TTC3: variants seen among roughly 807,000 people sequenced by gnomAD.
TTC3 encodes the protein tetratricopeptide repeat domain 3, also known as E3 ubiquitin-protein ligase TTC3.
A neutral mutation model predicts 249.6 loss-of-function variants in TTC3; 180 were observed. The observed-to-expected ratio is 0.72, with a 90% CI of 0.64 to 0.82. TTC3 has a LOEUF of 0.82. Ranked by LOEUF, TTC3 falls within the 40% of genes least tolerant of loss-of-function variation. The pLI is 0.00. For synonymous variants in TTC3, 717 were observed against 805.0 expected, an observed-to-expected ratio of 0.89 and a Z score of 1.85; for missense variants, 2,061 against 2,398.4, an observed-to-expected ratio of 0.86 and a Z score of 2.94.
intron 11 of TTC3, among the ~76,000 whole-genome samples, chr21:37,118,960 C>G (rs1353230709): frequency 1.3e-5 from 2 of 152,124 alleles, no homozygotes; most frequent in African/African-American, 4.8e-5. Context: ...CTCTTGAACA[C>G]ATAGGGGATA....
chr21:37,109,983 G>C (rs553753805), intron 11 of TTC3, among the ~76,000 whole-genome samples: 4 of 152,270 alleles, frequency 2.6e-5, no homozygotes, highest in African/African-American at 9.6e-5. Context: ...AACTCCAACA[G>C]ACCTGCAGCT....
chr21:37,127,808 C>T (rs2077154972), intron 15 of TTC3, among the ~76,000 whole-genome samples: 4 of 152,184 alleles, frequency 2.6e-5, no homozygotes, highest in Admixed American at 6.5e-5. Context: ...ATAGATACAG[C>T]TACTTAGTAT....
intron 21 of TTC3, 111 bp downstream of exon 21, chr21:37,144,756 C>A: frequency 7.5e-7 from 1 of 1,331,590 alleles, no homozygotes; most frequent in Non-Finnish European, 1.0e-6. Context: ...ACCTCCCTTA[C>A]ACGCATTTCC....
At chr21:37,167,724 A>C (rs2081375271) in intron 34 of TTC3, 104 bp downstream of exon 34, 3 of 786,992 alleles carry the variant, frequency 3.8e-6, no homozygotes, top group Non-Finnish European at 2.0e-6. Flanking sequence ...ATTCCACACA[A>C]AGTTATCATG....
chr21:37,113,152 C>G (rs2075824069), intron 11 of TTC3, among the ~76,000 whole-genome samples: 1 of 152,242 alleles, frequency 6.6e-6, no homozygotes, highest in Non-Finnish European at 1.5e-5. Flanking sequence ...TGCCCTCTCT[C>G]ACCACTCCTA....
chr21:37,184,034 T>G (rs1210491464), intron 36 of TTC3, among the ~76,000 whole-genome samples: 1 of 152,228 alleles, frequency 6.6e-6, no homozygotes, highest in East Asian at 1.9e-4. Context: ...GCATTACATT[T>G]AGGCAGTCCT....
At chr21:37,077,015 T>C (rs779553979) in intron 1 of TTC3, among the ~76,000 whole-genome samples, 5 of 152,064 alleles carry the variant, frequency 3.3e-5, no homozygotes, top group Non-Finnish European at 7.4e-5. Flanking sequence ...TAATTTAAAA[T>C]ACCACTATAG....
intron 20 of TTC3, among the ~76,000 whole-genome samples, chr21:37,142,809 T>C (rs372031124): frequency 3.3e-5 from 5 of 152,026 alleles, no homozygotes; most frequent in Non-Finnish European, 7.4e-5. Flanking sequence ...GCCAAAAGAA[T>C]AAAGCTGGAG....
intron 44 of TTC3, among the ~76,000 whole-genome samples, chr21:37,199,710 A>G (rs1477353285): frequency 3.3e-5 from 5 of 152,272 alleles, no homozygotes; most frequent in Admixed American, 1.3e-4. Flanking sequence ...GTATGTATAC[A>G]TGCAGCCCCT....
At chr21:37,167,471 T>G in intron 33 of TTC3, 84 bp from the exon 34 acceptor site, 1 of 960,970 alleles carries the variant, frequency 1.0e-6, no homozygotes, top group Non-Finnish European at 1.6e-6. Flanking sequence ...ATTGTGGGTG[T>G]GTTTTAAAGT....
chr21:37,111,632 CA>C (rs529380412), intron 11 of TTC3, among the ~76,000 whole-genome samples: 159 of 152,264 alleles, frequency 1.0e-3, no homozygotes, highest in South Asian at 2.3e-3. Flanking sequence ...CAACATTAGA[CA>C]GATCAACGAG....
At chr21:37,084,937 G>A (rs554584535) in intron 1 of TTC3, among the ~76,000 whole-genome samples, 34 of 152,330 alleles carry the variant, frequency 2.2e-4, no homozygotes, top group Non-Finnish European at 4.4e-4. Flanking sequence ...AGGTTGCAGT[G>A]AGCCGAGATC....
intron 11 of TTC3, among the ~76,000 whole-genome samples, chr21:37,113,282 A>G (rs767323385): frequency 1.3e-5 from 2 of 152,244 alleles, no homozygotes; most frequent in Non-Finnish European, 2.9e-5. Context: ...TTGTATATCT[A>G]GAAAACCCCA....
chr21:37,106,204 A>G (rs2075064051), intron 10 of TTC3, among the ~76,000 whole-genome samples: 1 of 152,088 alleles, frequency 6.6e-6, no homozygotes, highest in African/African-American at 2.4e-5. Context: ...GACCATTTGG[A>G]TATTCTCTTT....
intron 11 of TTC3, among the ~76,000 whole-genome samples, chr21:37,115,169 T>G (rs2076023573): frequency 2.7e-5 from 1 of 37,196 alleles, no homozygotes; most frequent in Non-Finnish European, 4.6e-5. Context: ...CCCTAAAACT[T>G]AAAGTATAAT....
rs369408477 is a variant in TTC3 at position 37,167,636 on chromosome 21, A to G, written c.4467+16A>G. ...GGAACGACAAGTGAGTCAAAATTACATTAAACTGTTTAAAGGTTTAGTTTT... is the reference window on the plus strand; with the variant it reads ...GGAACGACAAGTGAGTCAAAATTACGTTAAACTGTTTAAAGGTTTAGTTTT... On this transcript the variant is annotated intron_variant, in intron 34 of 45. Transcript: ENST00000355666. 71 of 1,596,952 alleles carry G rather than the reference A, an allele frequency of 4.4e-5. No individual in the cohort carries two copies. The highest frequency in any genetic ancestry group is 6.1e-5 in the Non-Finnish European group (71 of 1,167,110).
chr21:37,095,176 G>A (rs1276298871), intron 8 of TTC3, among the ~76,000 whole-genome samples, 174 bp from the exon 9 acceptor site: 1 of 96,752 alleles, frequency 1.0e-5, no homozygotes, highest in Non-Finnish European at 2.6e-5. Flanking sequence ...TAGTGGGTGT[G>A]TATATATATA....
intron 11 of TTC3, among the ~76,000 whole-genome samples, chr21:37,116,510 T>C (rs2076153355): frequency 6.6e-6 from 1 of 152,170 alleles, no homozygotes; most frequent in Non-Finnish European, 1.5e-5. Context: ...TATTTTTTTT[T>C]TAAGTGAAGC....
At chr21:37,124,826 C>A in intron 14 of TTC3, 84 bp downstream of exon 14, 8 of 1,481,148 alleles carry the variant, frequency 5.4e-6, no homozygotes, top group East Asian at 2.4e-5. Context: ...TAATAGAAAC[C>A]AAATTTTTGG....
Sources: allele counts gnomAD v4.1 joint callset (sites outside exome capture counted in the v4.1 genomes callset), GRCh38; gene constraint gnomAD v4.1.1; transcripts MANE v1.5; gene names NCBI Gene and HGNC (gene_info 2026-07-23, HGNC 2026-07-21).